SLC35F3: variants seen among roughly 807,000 people sequenced by gnomAD.
The protein encoded by SLC35F3 is solute carrier family 35 member F3.
Under a neutral mutation model 49.9 loss-of-function variants are expected in SLC35F3, and 25 were observed. The observed-to-expected ratio is 0.50, with a 90% CI of 0.37 to 0.70. The LOEUF (loss-of-function observed/expected upper bound fraction) is 0.70. Among genes scored for constraint, SLC35F3 ranks in the 30% least tolerant of loss-of-function variants. SLC35F3 has a pLI of 0.00. For missense variants in SLC35F3, 525 were observed against 639.8 expected, an observed-to-expected ratio of 0.82 and a Z score of 1.94; for synonymous variants, 275 against 265.4, an observed-to-expected ratio of 1.04 and a Z score of -0.35.
chr1:234,136,208 C>T (rs951271066), intron 2 of SLC35F3, among the ~76,000 whole-genome samples: 7 of 151,532 alleles, frequency 4.6e-5, no homozygotes, highest in African/African-American at 1.2e-4. Flanking sequence ...TTATTTTCTT[C>T]TCTTCCCTTC....
chr1:234,142,576 GC>G (rs1665933677), intron 2 of SLC35F3, among the ~76,000 whole-genome samples: 1 of 151,724 alleles, frequency 6.6e-6, no homozygotes, highest in African/African-American at 2.4e-5. Context: ...AATATTTACT[GC>G]CCAGGGGCAT....
chr1:234,072,534 G>A (rs1664730861), intron 2 of SLC35F3, among the ~76,000 whole-genome samples: 1 of 152,202 alleles, frequency 6.6e-6, no homozygotes, highest in African/African-American at 2.4e-5. Context: ...GAAAAATTAA[G>A]CCAGGAGGGC....
At chr1:234,232,417 T>C (rs1667392859) in intron 3 of SLC35F3, among the ~76,000 whole-genome samples, 1 of 147,144 alleles carries the variant, frequency 6.8e-6, no homozygotes, top group Non-Finnish European at 1.5e-5. Flanking sequence ...CTGTAGGTGT[T>C]GACCCGTGGC....
chr1:234,309,726 T>C (rs1310793643), intron 4 of SLC35F3, among the ~76,000 whole-genome samples: 1 of 152,168 alleles, frequency 6.6e-6, no homozygotes, highest in East Asian at 1.9e-4. Flanking sequence ...ACACTGCCAC[T>C]CTCGGGTGAG....
intron 2 of SLC35F3, among the ~76,000 whole-genome samples, chr1:234,074,039 T>C (rs1468982113): frequency 2.0e-5 from 3 of 152,206 alleles, no homozygotes; most frequent in Non-Finnish European, 4.4e-5. Context: ...TCTATTCTTC[T>C]ACTGTTTTTC....
chr1:234,061,641 T>G (rs1664541894), intron 2 of SLC35F3, among the ~76,000 whole-genome samples: 1 of 152,158 alleles, frequency 6.6e-6, no homozygotes, highest in Admixed American at 6.5e-5. Context: ...CTGCTAATTT[T>G]TTTTATTCTT....
chr1:234,156,833 A>G (rs933355344), intron 2 of SLC35F3, among the ~76,000 whole-genome samples: 2 of 152,192 alleles, frequency 1.3e-5, no homozygotes, highest in Non-Finnish European at 2.9e-5. Context: ...CCTTGAAAAT[A>G]TGATGATAAG....
At chr1:234,272,113 G>A (rs1345224912) in intron 3 of SLC35F3, among the ~76,000 whole-genome samples, 6 of 152,136 alleles carry the variant, frequency 3.9e-5, no homozygotes, top group Admixed American at 1.3e-4. Flanking sequence ...GCAACAGAGC[G>A]AGACTCTGTC....
At chr1:234,288,304 T>G (rs1668455253) in intron 3 of SLC35F3, among the ~76,000 whole-genome samples, 1 of 152,338 alleles carries the variant, frequency 6.6e-6, no homozygotes, top group South Asian at 2.1e-4. Flanking sequence ...AAGAAGGCAG[T>G]AAAATTCACA....
At chr1:234,271,061 C>G (rs1289457663) in intron 3 of SLC35F3, among the ~76,000 whole-genome samples, 1 of 152,256 alleles carries the variant, frequency 6.6e-6, no homozygotes, top group Non-Finnish European at 1.5e-5. Flanking sequence ...GTGTGCATTT[C>G]TTGGATTCTA....
At chr1:233,946,589 AC>A (rs1662516974) in intron 2 of SLC35F3, among the ~76,000 whole-genome samples, 1 of 151,784 alleles carries the variant, frequency 6.6e-6, no homozygotes, top group African/African-American at 2.4e-5. Flanking sequence ...TTTTGGATGA[AC>A]TTTTAAAGAC....
At chr1:234,136,045 A>T (rs1205444571) in intron 2 of SLC35F3, among the ~76,000 whole-genome samples, 1 of 152,344 alleles carries the variant, frequency 6.6e-6, no homozygotes, top group East Asian at 1.9e-4. Context: ...GTTTATAGAT[A>T]TGAAAGGTGA....
At chr1:233,979,925 T>G (rs988965693) in intron 2 of SLC35F3, among the ~76,000 whole-genome samples, 8 of 152,178 alleles carry the variant, frequency 5.3e-5, no homozygotes, top group African/African-American at 1.7e-4. Flanking sequence ...GGTGACCTGG[T>G]GAGGCTGAGG....
intron 4 of SLC35F3, 95 bp downstream of exon 4, chr1:234,309,415 C>A: frequency 9.4e-7 from 1 of 1,061,948 alleles, no homozygotes; most frequent in Non-Finnish European, 1.4e-6. Flanking sequence ...GGACCATGAG[C>A]ATAAGCTGCT....
chr1:233,937,232 G>T (rs1053957582), intron 2 of SLC35F3, among the ~76,000 whole-genome samples: 1 of 152,212 alleles, frequency 6.6e-6, no homozygotes, highest in Non-Finnish European at 1.5e-5. Flanking sequence ...TGCTGCTCAT[G>T]TGAGAACCTA....
intron 2 of SLC35F3, among the ~76,000 whole-genome samples, chr1:234,025,070 A>G (rs1663957197): frequency 2.6e-5 from 4 of 152,172 alleles, no homozygotes; most frequent in African/African-American, 7.2e-5. Context: ...AACATGTGGT[A>G]TTTGATTTTC....
chr1:234,159,502 G>A (rs536713298), intron 2 of SLC35F3, among the ~76,000 whole-genome samples: 3 of 150,028 alleles, frequency 2.0e-5, no homozygotes, highest in South Asian at 4.3e-4. Context: ...ACTTGAACCC[G>A]GGAGGCAGAG....
At chr1:234,309,006 A>T in intron 3 of SLC35F3, 95 bp from the exon 4 acceptor site, 1 of 817,934 alleles carries the variant, frequency 1.2e-6, no homozygotes, top group Non-Finnish European at 1.8e-6. Context: ...GCCCCTTCCT[A>T]TATTTGCTTA....
chr1:233,907,553 CTA>C, intron 2 of SLC35F3, among the ~76,000 whole-genome samples: 1 of 152,336 alleles, frequency 6.6e-6, no homozygotes, highest in Non-Finnish European at 1.5e-5. Context: ...TCCACTCTCT[CTA>C]TTCCTGTGAG....
Sources: gnomAD v4.1 joint callset for allele counts (sites outside exome capture counted in the v4.1 genomes callset) on GRCh38, gnomAD v4.1.1 for gene constraint, MANE v1.5 for transcripts, NCBI Gene and HGNC (gene_info 2026-07-23, HGNC 2026-07-21) for gene names.